Variants in SGMS1 observed in about 807,000 individuals in gnomAD.
The protein encoded by SGMS1 is sphingomyelin synthase 1, also known as phosphatidylcholine:ceramide cholinephosphotransferase 1.
SGMS1 carries 13 observed loss-of-function variants against 46.2 expected under a neutral mutation model. The ratio of observed to expected loss-of-function variants is 0.28; its 90% CI spans 0.18 to 0.45. The LOEUF is 0.45. Among genes scored for constraint, SGMS1 ranks in the 20% least tolerant of loss-of-function variants. The probability of loss-of-function intolerance (pLI) is 1.00; values close to 1 mark genes in which losing one functional copy is unlikely to be tolerated. For missense variants in SGMS1, 324 were observed against 519.9 expected (o/e 0.62, Z 3.66); for synonymous variants, 203 against 187.8 (o/e 1.08, Z -0.66).
At chr10:50,501,504 A>T (rs2133757205) in intron 3 of SGMS1, among the ~76,000 whole-genome samples, 1 of 152,354 alleles carries the variant, frequency 6.6e-6, no homozygotes, top group Middle Eastern at 3.4e-3. Flanking sequence ...TCATTAAGGA[A>T]ATTAATTTGC....
intron 3 of SGMS1, among the ~76,000 whole-genome samples, chr10:50,517,545 T>C (rs1387784105): frequency 6.6e-6 from 1 of 151,852 alleles, no homozygotes; most frequent in Non-Finnish European, 1.5e-5. Context: ...ACATAAAGGA[T>C]AAAAAGAGAA....
chr10:50,530,651 AT>A (rs796975381), intron 2 of SGMS1, among the ~76,000 whole-genome samples: 64 of 146,642 alleles, frequency 4.4e-4, no homozygotes, highest in South Asian at 6.5e-4. Flanking sequence ...CATCTGGCTA[AT>A]TTTTTTTTTT....
chr10:50,600,273 G>A (rs558969976), intron 1 of SGMS1, among the ~76,000 whole-genome samples: 1 of 152,260 alleles, frequency 6.6e-6, no homozygotes, highest in South Asian at 2.1e-4. Context: ...AAAAGAGAAG[G>A]GCACTTGCTT....
chr10:50,339,305 G>T (rs115512556), intron 7 of SGMS1, among the ~76,000 whole-genome samples: 1 of 152,132 alleles, frequency 6.6e-6, no homozygotes, highest in Admixed American at 6.5e-5. Flanking sequence ...CGTTCCTCAG[G>T]TAAGTGCCAG....
At chr10:50,372,181 C>T (rs2255853) in intron 6 of SGMS1, among the ~76,000 whole-genome samples, 52,473 of 151,976 alleles carry the variant, frequency 0.35, 9,237 homozygotes, top group South Asian at 0.41. Context: ...AATATAAATA[C>T]GTTTCATGAA....
chr10:50,368,678 T>C (rs1289409059), intron 6 of SGMS1, among the ~76,000 whole-genome samples: 1 of 152,250 alleles, frequency 6.6e-6, no homozygotes, highest in Non-Finnish European at 1.5e-5. Flanking sequence ...TAATGAGCTT[T>C]CTTCTCTCAC....
intron 1 of SGMS1, among the ~76,000 whole-genome samples, chr10:50,591,353 G>A (rs930016809): frequency 6.6e-6 from 1 of 152,164 alleles, no homozygotes; most frequent in African/African-American, 2.4e-5. Context: ...TCCTGCTCCC[G>A]AACATGATGC....
At chr10:50,624,127 G>GC, upstream of SGMS1, 1 of 985,398 alleles carries the variant, frequency 1.0e-6, no homozygotes, top group African/African-American at 1.7e-5. Context: ...CGCAGTTTGG[G>GC]CCCCTTGAAT....
intron 8 of SGMS1, among the ~76,000 whole-genome samples, chr10:50,315,709 A>G (rs1296403237): frequency 6.6e-6 from 1 of 152,162 alleles, no homozygotes; most frequent in East Asian, 1.9e-4. Flanking sequence ...TTGAATGTCT[A>G]TTTTTGAAAG....
intron 6 of SGMS1, among the ~76,000 whole-genome samples, chr10:50,381,766 G>A (rs1848609613): frequency 6.6e-6 from 1 of 152,232 alleles, no homozygotes; most frequent in Non-Finnish European, 1.5e-5. Flanking sequence ...GGCTCGAAGG[G>A]TGGCCTGGCA....
chr10:50,562,368 A>G (rs72803726), intron 2 of SGMS1, among the ~76,000 whole-genome samples: 39,247 of 144,774 alleles, frequency 0.27, 5,188 homozygotes, highest in African/African-American at 0.33. Context: ...GCGCGCGCAC[A>G]CACACACACT....
Position 50,539,094 on chromosome 10 carries a change from AGAACAGTG to A in SGMS1, c.-588-19181_-588-19174del, listed in dbSNP as rs1838029653. Among the ~76,000 whole-genome samples the A allele has an allele frequency of 2.6e-5, 4 of 152,368 alleles. No homozygotes were observed. In the South Asian group the frequency reaches 8.3e-4, roughly 32 times the overall value. On this transcript the variant is annotated intron_variant, in intron 2 of 10. Coordinates refer to ENST00000361781, the MANE Select transcript of SGMS1 (RefSeq NM_147156.4). Reference sequence around the variant, plus strand: ...TGCCATGTGGGCATCCAGGGAGGGCAGAACAGTGACAGCCCTGGTGAGCATGAAGGGCA... The same window carrying A: ...TGCCATGTGGGCATCCAGGGAGGGCAACAGCCCTGGTGAGCATGAAGGGCA...
intron 7 of SGMS1, among the ~76,000 whole-genome samples, chr10:50,336,421 A>G (rs1847718422): frequency 6.6e-6 from 1 of 152,182 alleles, no homozygotes; most frequent in Admixed American, 6.5e-5. Context: ...ATTAGTAGTG[A>G]GTAGGGCCCA....
intron 5 of SGMS1, among the ~76,000 whole-genome samples, chr10:50,452,447 T>A (rs1277010817): frequency 4.6e-5 from 7 of 152,190 alleles, no homozygotes; most frequent in African/African-American, 1.7e-4. Flanking sequence ...AAAATAGGTC[T>A]ATTTTTGAAG....
chr10:50,524,836 T>C (rs1837887469), intron 2 of SGMS1, among the ~76,000 whole-genome samples: 1 of 152,148 alleles, frequency 6.6e-6, no homozygotes, highest in Non-Finnish European at 1.5e-5. Flanking sequence ...AGAATGTCAA[T>C]GGTGACCCTA....
chr10:50,309,872 T>G lies in SGMS1; in HGVS notation c.895+1390A>C, dbSNP rs79667903. ...GTTATCTGCTGACTCTCTTTATTAA[T>G]GTCTTAAAGTGTCTGTCACTTCTCT... is the stretch of plus-strand genomic sequence containing the variant. On this transcript the variant is annotated intron_variant, in intron 9 of 10. Coordinates refer to ENST00000361781, the MANE Select transcript of SGMS1 (RefSeq NM_147156.4). Among the ~76,000 whole-genome samples the G allele has an allele frequency of 8.3e-4, 126 of 152,320 alleles. 2 individuals carry two copies. In the East Asian group the frequency reaches 0.023, roughly 28 times the overall value.
At chr10:50,537,795 G>A (rs1490178609) in intron 2 of SGMS1, among the ~76,000 whole-genome samples, 7 of 152,096 alleles carry the variant, frequency 4.6e-5, no homozygotes, top group African/African-American at 1.2e-4. Flanking sequence ...ACATTGTACC[G>A]TCAGGAAGAA....
chr10:50,418,000 A>C (rs1849198838), intron 6 of SGMS1: 1 of 152,236 alleles, frequency 6.6e-6, no homozygotes, highest in Non-Finnish European at 1.5e-5. Context: ...GCGGTATTTT[A>C]ATCGGTTCAC....
At chr10:50,623,436 A>C (rs35485360) in intron 1 of SGMS1, 1 of 292,954 alleles carries the variant, frequency 3.4e-6, no homozygotes, top group Non-Finnish European at 5.1e-6. Flanking sequence ...TCCCCGCCCC[A>C]ACTTAGCCGG....
Sources: gnomAD v4.1 joint callset for allele counts (sites outside exome capture counted in the v4.1 genomes callset) on GRCh38, gnomAD v4.1.1 for gene constraint, MANE v1.5 for transcripts, NCBI Gene and HGNC (gene_info 2026-07-23, HGNC 2026-07-21) for gene names.